The following CACNG3 variants were observed in gnomAD, a reference collection of about 807,000 sequenced individuals.
The protein encoded by CACNG3 is voltage-dependent calcium channel gamma-3 subunit.
A neutral mutation model predicts 28.5 loss-of-function variants in CACNG3; 3 were observed. That is an observed-to-expected ratio of 0.11 (90% CI 0.05 to 0.27). The LOEUF is 0.27. Ranked by LOEUF, CACNG3 falls within the 10% of genes least tolerant of loss-of-function variation. The probability of loss-of-function intolerance (pLI) is 1.00; values close to 1 mark genes in which losing one functional copy is unlikely to be tolerated. For synonymous variants in CACNG3, 174 were observed against 162.2 expected (o/e 1.07, Z -0.55); for missense variants, 236 against 414.4 (o/e 0.57, Z 3.74).
intron 1 of CACNG3, among the ~76,000 whole-genome samples, chr16:24,318,807 G>A (rs1033807522): frequency 1.3e-5 from 2 of 152,126 alleles, no homozygotes; most frequent in Admixed American, 6.6e-5. Context: ...CCTACCTCAG[G>A]TTGAAGGGGT....
chr16:24,273,414 C>T (rs1419476105), intron 1 of CACNG3, among the ~76,000 whole-genome samples: 2 of 152,174 alleles, frequency 1.3e-5, no homozygotes, highest in Non-Finnish European at 2.9e-5. Context: ...CCTCACCTTT[C>T]GTAGACTGTC....
chr16:24,289,601 G>T (rs1898939582), intron 1 of CACNG3, among the ~76,000 whole-genome samples: 1 of 152,086 alleles, frequency 6.6e-6, no homozygotes. Context: ...TTCATGCCTG[G>T]GTCTCCATCC....
At chr16:24,355,314 G>A (rs1368001183) in intron 3 of CACNG3, among the ~76,000 whole-genome samples, 9 of 152,146 alleles carry the variant, frequency 5.9e-5, no homozygotes, top group East Asian at 1.9e-4. Flanking sequence ...TATGTGGTAC[G>A]TGTGAACTGA....
At chr16:24,323,478 C>T (rs953551734) in intron 1 of CACNG3, among the ~76,000 whole-genome samples, 11 of 152,108 alleles carry the variant, frequency 7.2e-5, no homozygotes, top group African/African-American at 2.7e-4. Flanking sequence ...CAGCATTACA[C>T]CTATTTTAAA....
intron 1 of CACNG3, among the ~76,000 whole-genome samples, chr16:24,266,847 A>G (rs952777356): frequency 2.0e-5 from 3 of 152,164 alleles, no homozygotes; most frequent in African/African-American, 4.8e-5. Flanking sequence ...ATCAGTCAGC[A>G]GGTGAAATTG....
intron 1 of CACNG3, among the ~76,000 whole-genome samples, chr16:24,267,043 T>C (rs1211772607): frequency 6.6e-6 from 1 of 151,434 alleles, no homozygotes; most frequent in Non-Finnish European, 1.5e-5. Flanking sequence ...CTCGGCTTAG[T>C]ACAACCTCTG....
chr16:24,355,688 A>G (rs184155995), intron 3 of CACNG3, among the ~76,000 whole-genome samples: 1 of 152,292 alleles, frequency 6.6e-6, no homozygotes, highest in East Asian at 1.9e-4. Context: ...TTTGACAGCT[A>G]CTTATTGTTC....
At chr16:24,314,893 A>G (rs896481590) in intron 1 of CACNG3, among the ~76,000 whole-genome samples, 2 of 152,084 alleles carry the variant, frequency 1.3e-5, no homozygotes, top group East Asian at 1.9e-4. Flanking sequence ...ATGATGATCG[A>G]AAAACCAGAG....
intron 1 of CACNG3, among the ~76,000 whole-genome samples, chr16:24,280,884 G>T (rs1344391094): frequency 7.1e-6 from 1 of 140,578 alleles, no homozygotes; most frequent in Non-Finnish European, 1.5e-5. Context: ...GGAACATTTT[G>T]TCTGAGGTCA....
intron 1 of CACNG3, among the ~76,000 whole-genome samples, chr16:24,269,195 C>T (rs1371038479): frequency 1.3e-5 from 2 of 152,122 alleles, no homozygotes; most frequent in Non-Finnish European, 2.9e-5. Flanking sequence ...AAAAACTATC[C>T]GCCACAACTC....
At chr16:24,261,542 G>A (rs1199870060) in intron 1 of CACNG3, among the ~76,000 whole-genome samples, 1 of 152,206 alleles carries the variant, frequency 6.6e-6, no homozygotes, top group Non-Finnish European at 1.5e-5. Context: ...TACATGGGCT[G>A]CCAGTTTTCA....
chr16:24,264,241 G>C (rs1187147701), intron 1 of CACNG3, among the ~76,000 whole-genome samples: 4 of 152,234 alleles, frequency 2.6e-5, no homozygotes, highest in South Asian at 2.1e-4. Context: ...GTCGAGTAGG[G>C]GCTGAGAGTT....
chr16:24,289,899 T>C (rs1898943563), intron 1 of CACNG3, among the ~76,000 whole-genome samples: 1 of 152,244 alleles, frequency 6.6e-6, no homozygotes, highest in Non-Finnish European at 1.5e-5. Flanking sequence ...TGAAAAACTT[T>C]CAGTAATGTT....
chr16:24,278,394 G>T (rs1898779418), intron 1 of CACNG3, among the ~76,000 whole-genome samples: 1 of 152,154 alleles, frequency 6.6e-6, no homozygotes, highest in Non-Finnish European at 1.5e-5. Context: ...AAGACAGGTG[G>T]ATTACAAGGT....
chr16:24,329,676 A>G (rs1219661273), intron 1 of CACNG3, among the ~76,000 whole-genome samples: 1 of 152,164 alleles, frequency 6.6e-6, no homozygotes, highest in Non-Finnish European at 1.5e-5. Context: ...AATATTTTAA[A>G]CTCTGAACCT....
At chr16:24,331,585 A>G (rs1899631472) in intron 1 of CACNG3, among the ~76,000 whole-genome samples, 1 of 152,194 alleles carries the variant, frequency 6.6e-6, no homozygotes, top group Admixed American at 6.5e-5. Context: ...TACACTGTAA[A>G]TCAGATTGTG....
chr16:24,308,118 T>C (rs1899210878), intron 1 of CACNG3, among the ~76,000 whole-genome samples: 3 of 152,202 alleles, frequency 2.0e-5, no homozygotes, highest in Admixed American at 6.5e-5. Flanking sequence ...CCAAAACTCC[T>C]GGGCATAAAA....
intron 1 of CACNG3, among the ~76,000 whole-genome samples, chr16:24,334,802 G>A (rs932179423): frequency 4.6e-5 from 7 of 152,138 alleles, no homozygotes; most frequent in South Asian, 4.1e-4. Context: ...ATTCCCTCCC[G>A]GGAGTGATGG....
intron 3 of CACNG3, among the ~76,000 whole-genome samples, chr16:24,358,901 G>A (rs1325495029): frequency 6.6e-6 from 1 of 152,062 alleles, no homozygotes; most frequent in Non-Finnish European, 1.5e-5. Flanking sequence ...TTTTTAAGTG[G>A]GCCTGCTGCA....
Sources: allele counts gnomAD v4.1 joint callset (sites outside exome capture counted in the v4.1 genomes callset), GRCh38; gene constraint gnomAD v4.1.1; transcripts MANE v1.5; gene names NCBI Gene and HGNC (gene_info 2026-07-23, HGNC 2026-07-21).